PTPRK: variants seen among roughly 807,000 people sequenced by gnomAD.
PTPRK encodes protein tyrosine phosphatase receptor type K, also known as receptor-type tyrosine-protein phosphatase kappa.
PTPRK carries 75 observed loss-of-function variants against 178.0 expected under a neutral mutation model. The observed-to-expected ratio is 0.42, with a 90% CI of 0.35 to 0.51. The LOEUF is 0.51. Among genes scored for constraint, PTPRK ranks in the 20% least tolerant of loss-of-function variants. PTPRK has a pLI of 0.02. For synonymous variants in PTPRK, 637 were observed against 620.6 expected (o/e 1.03, Z -0.39); for missense variants, 1,441 against 1,797.8 (o/e 0.80, Z 3.59).
chr6:128,263,907 C>A (rs1263155501), intron 3 of PTPRK, among the ~76,000 whole-genome samples: 1 of 152,130 alleles, frequency 6.6e-6, no homozygotes, highest in Non-Finnish European at 1.5e-5. Flanking sequence ...GAGAGACCAC[C>A]ACCGTTGGAA....
At chr6:128,209,791 G>A (rs1200608933) in intron 6 of PTPRK, among the ~76,000 whole-genome samples, 1 of 152,106 alleles carries the variant, frequency 6.6e-6, no homozygotes, top group Non-Finnish European at 1.5e-5. Context: ...AGACCCTAAG[G>A]CATGAGAGAT....
chr6:128,050,610 T>C (rs1329131780), intron 13 of PTPRK, among the ~76,000 whole-genome samples: 1 of 152,226 alleles, frequency 6.6e-6, no homozygotes, highest in Non-Finnish European at 1.5e-5. Context: ...AATTCATATG[T>C]TTAATAGTCA....
At chr6:128,219,517 A>G (rs1255982338) in intron 5 of PTPRK, among the ~76,000 whole-genome samples, 1 of 152,164 alleles carries the variant, frequency 6.6e-6, no homozygotes, top group Non-Finnish European at 1.5e-5. Context: ...TTGCTCACCC[A>G]CTGCTCACCT....
intron 3 of PTPRK, among the ~76,000 whole-genome samples, chr6:128,309,525 T>C (rs1826925267): frequency 6.6e-6 from 1 of 152,130 alleles, no homozygotes; most frequent in Non-Finnish European, 1.5e-5. Flanking sequence ...TGCTGAAGTG[T>C]GGTAGCTGCT....
chr6:128,224,030 A>C (rs1041736750), intron 5 of PTPRK, among the ~76,000 whole-genome samples: 2 of 152,338 alleles, frequency 1.3e-5, no homozygotes, highest in African/African-American at 4.8e-5. Flanking sequence ...GTAACAATTG[A>C]AAACATTTAA....
At chr6:128,193,931 G>A (rs1804360070) in intron 6 of PTPRK, among the ~76,000 whole-genome samples, 2 of 151,788 alleles carry the variant, frequency 1.3e-5, no homozygotes, top group African/African-American at 2.4e-5. Flanking sequence ...GTAAGTTTAT[G>A]TGTCCTTTAG....
At chr6:128,068,524 CTTT>C (rs895492958) in intron 11 of PTPRK, among the ~76,000 whole-genome samples, 6 of 152,034 alleles carry the variant, frequency 3.9e-5, no homozygotes, top group African/African-American at 1.4e-4. Context: ...AGTCTTAAAA[CTTT>C]TCTATAATTG....
intron 7 of PTPRK, among the ~76,000 whole-genome samples, chr6:128,159,905 T>C (rs915946286): frequency 6.6e-6 from 1 of 151,734 alleles, no homozygotes; most frequent in Non-Finnish European, 1.5e-5. Flanking sequence ...ACAAAAAATT[T>C]AGCAAAAGGT....
At chr6:128,233,937 G>A (rs1406232479) in intron 5 of PTPRK, among the ~76,000 whole-genome samples, 1 of 152,192 alleles carries the variant, frequency 6.6e-6, no homozygotes, top group Non-Finnish European at 1.5e-5. Context: ...GATGGATGGA[G>A]TCATTAGTAT....
At chr6:128,249,752 G>A (rs1284869029) in intron 3 of PTPRK, among the ~76,000 whole-genome samples, 2 of 152,106 alleles carry the variant, frequency 1.3e-5, no homozygotes, top group African/African-American at 4.8e-5. Flanking sequence ...TCTAAATTAT[G>A]CTGGTACCCA....
chr6:128,200,795 AAAGAC>A (rs1805761860), intron 6 of PTPRK, among the ~76,000 whole-genome samples: 1 of 148,030 alleles, frequency 6.8e-6, no homozygotes, highest in South Asian at 2.2e-4. Context: ...AAAAAGAAAA[AAAGAC>A]AGAAAGAGAG....
intron 5 of PTPRK, among the ~76,000 whole-genome samples, chr6:128,224,960 T>C (rs2128275826): frequency 6.6e-6 from 1 of 152,316 alleles, no homozygotes; most frequent in African/African-American, 2.4e-5. Context: ...CCCAATTCTC[T>C]TTGGACTTTT....
intron 2 of PTPRK, among the ~76,000 whole-genome samples, chr6:128,378,920 A>G (rs1837483534): frequency 6.6e-5 from 10 of 152,154 alleles, no homozygotes; most frequent in Admixed American, 6.6e-4. Context: ...GAGGAAAGTA[A>G]TGAGTTACTT....
At chr6:128,298,652 G>A (rs200743300) in intron 3 of PTPRK, among the ~76,000 whole-genome samples, 8 of 152,062 alleles carry the variant, frequency 5.3e-5, no homozygotes, top group East Asian at 1.9e-4. Flanking sequence ...AGAAAAGGCC[G>A]TTGACAAAAT....
chr6:128,433,182 CT>C (rs2128395088), intron 1 of PTPRK, among the ~76,000 whole-genome samples: 1 of 152,316 alleles, frequency 6.6e-6, no homozygotes, highest in East Asian at 1.9e-4. Flanking sequence ...AGTCACCCTA[CT>C]GTGCTATCAA....
Position 128,019,247 on chromosome 6 carries a change from C to T in PTPRK, c.2195-9979G>A, listed in dbSNP as rs899642386. ...GACATAATTAAAAATATAGCCTATG[C>T]TTTCTGACTCCCATCTGGCACTTTC... On this transcript the variant is annotated intron_variant, in intron 13 of 29. Coordinates refer to ENST00000368226, the MANE Select transcript of PTPRK (RefSeq NM_002844.4). Among the ~76,000 whole-genome samples, 12 of 152,238 alleles carry T rather than the reference C, an allele frequency of 7.9e-5. No homozygotes were observed. The East Asian group carries it at 2.3e-3, about 29-fold the overall frequency.
chr6:128,479,178 A>C (rs576539070), intron 1 of PTPRK, among the ~76,000 whole-genome samples: 1 of 152,270 alleles, frequency 6.6e-6, no homozygotes, highest in East Asian at 1.9e-4. Context: ...TCAATGGCCC[A>C]GTTCACTAGG....
chr6:128,454,205 G>C (rs903955943), intron 1 of PTPRK, among the ~76,000 whole-genome samples: 3 of 152,062 alleles, frequency 2.0e-5, no homozygotes, highest in African/African-American at 7.2e-5. Context: ...AAATCTACTG[G>C]CACCTTGACC....
intron 3 of PTPRK, among the ~76,000 whole-genome samples, chr6:128,318,101 T>C (rs1272401405): frequency 6.6e-6 from 1 of 152,174 alleles, no homozygotes. Flanking sequence ...TATGGATGAA[T>C]GCAGATCAGC....
Sources: gnomAD v4.1 joint callset for allele counts (sites outside exome capture counted in the v4.1 genomes callset) on GRCh38, gnomAD v4.1.1 for gene constraint, MANE v1.5 for transcripts, NCBI Gene and HGNC (gene_info 2026-07-23, HGNC 2026-07-21) for gene names.